The following RHOJ variants were observed in gnomAD, a reference collection of about 807,000 sequenced individuals.
RHOJ encodes the protein rho-related GTP-binding protein RhoJ.
In RHOJ, 11 loss-of-function variants were observed where a neutral mutation model predicts 23.4. The observed-to-expected ratio is 0.47, with a 90% CI of 0.30 to 0.78. The LOEUF (loss-of-function observed/expected upper bound fraction) is 0.78, where lower values mean the gene tolerates loss of function less well. RHOJ is among the 30% of genes least tolerant of loss of function. The pLI is 0.08. For missense variants in RHOJ, 254 were observed against 273.4 expected (o/e 0.93, Z 0.50); for synonymous variants, 102 against 102.7 (o/e 0.99, Z 0.04).
intron 1 of RHOJ, 118 bp from the exon 2 acceptor site, chr14:63,268,992 A>G: frequency 4.3e-6 from 3 of 700,344 alleles, no homozygotes; most frequent in Non-Finnish European, 7.6e-6. Flanking sequence ...TACATGAGCG[A>G]GGCATATGCT....
At chr14:63,249,427 T>C (rs1333192923) in intron 1 of RHOJ, among the ~76,000 whole-genome samples, 1 of 152,238 alleles carries the variant, frequency 6.6e-6, no homozygotes, top group Non-Finnish European at 1.5e-5. Context: ...AAACCTTTTG[T>C]GTCCAATTAG....
At chr14:63,205,818 A>G (rs1894097435) in intron 1 of RHOJ, among the ~76,000 whole-genome samples, 1 of 152,204 alleles carries the variant, frequency 6.6e-6, no homozygotes, top group African/African-American at 2.4e-5. Context: ...TTGTAGGTGT[A>G]CTTGTCTGGG....
chr14:63,236,270 C>G (rs1894787680), intron 1 of RHOJ, among the ~76,000 whole-genome samples: 1 of 152,154 alleles, frequency 6.6e-6, no homozygotes, highest in South Asian at 2.1e-4. Flanking sequence ...TGGTAGAATA[C>G]CCAGCTGAAT....
In RHOJ at chr14:63,205,266, C is replaced by T. The variant is rs3742627; in HGVS notation, c.178+219C>T. On this transcript the variant is annotated intron_variant, in intron 1 of 4. Transcript: ENST00000316754. ...CACTTTTCCCCCGTAAAACGAATGGCAACGCCAGGAAAATACTCTGACGTG... is the reference window on the plus strand; with the variant it reads ...CACTTTTCCCCCGTAAAACGAATGGTAACGCCAGGAAAATACTCTGACGTG... Among the ~76,000 whole-genome samples, 101,131 of 152,056 alleles carry T rather than the reference C, an allele frequency of 0.67. 34,059 individuals carry two copies. Among genetic ancestry groups the T allele is most frequent in the South Asian group, 0.84 (4,064 of 4,822 alleles).
At chr14:63,271,597 A>AT (rs919742080) in intron 2 of RHOJ, among the ~76,000 whole-genome samples, 2 of 151,932 alleles carry the variant, frequency 1.3e-5, no homozygotes, top group African/African-American at 4.8e-5. Context: ...ATTTTATTTT[A>AT]TTTTTTATTT....
chr14:63,280,687 T>TA (rs1389732927), intron 2 of RHOJ, among the ~76,000 whole-genome samples: 7 of 152,204 alleles, frequency 4.6e-5, no homozygotes, highest in African/African-American at 1.7e-4. Flanking sequence ...AACTTTATGG[T>TA]ATATATAGGT....
chr14:63,250,773 C>T (rs1341038270), intron 1 of RHOJ, among the ~76,000 whole-genome samples: 2 of 152,290 alleles, frequency 1.3e-5, no homozygotes, highest in Middle Eastern at 3.4e-3. Flanking sequence ...GTGGCTCACA[C>T]CTGTAATTCC....
chr14:63,257,464 T>C (rs891420254), intron 1 of RHOJ, among the ~76,000 whole-genome samples: 5 of 149,560 alleles, frequency 3.3e-5, no homozygotes, highest in Non-Finnish European at 7.4e-5. Flanking sequence ...AGGCCACAGG[T>C]CAGAAAGTTA....
chr14:63,273,805 T>C (rs1252513523), intron 2 of RHOJ, among the ~76,000 whole-genome samples: 1 of 152,242 alleles, frequency 6.6e-6, no homozygotes, highest in Non-Finnish European at 1.5e-5. Context: ...CTAGCAGCAC[T>C]GCCAGGGAGG....
chr14:63,210,319 A>T (rs1438217964), intron 1 of RHOJ, among the ~76,000 whole-genome samples: 1 of 152,216 alleles, frequency 6.6e-6, no homozygotes, highest in Non-Finnish European at 1.5e-5. Flanking sequence ...GCTTAACTAT[A>T]TAATGTGTAA....
intron 1 of RHOJ, among the ~76,000 whole-genome samples, chr14:63,213,144 T>C (rs1389223564): frequency 6.6e-6 from 1 of 152,216 alleles, no homozygotes; most frequent in African/African-American, 2.4e-5. Context: ...TTGCAACATG[T>C]ATTTTAGATT....
At chr14:63,271,713 T>C (rs752208141) in intron 2 of RHOJ, among the ~76,000 whole-genome samples, 5 of 152,200 alleles carry the variant, frequency 3.3e-5, no homozygotes, top group Non-Finnish European at 7.3e-5. Flanking sequence ...TTCTGCCTCA[T>C]CCTCCCAGGT....
At chr14:63,242,696 C>A (rs1894904697) in intron 1 of RHOJ, among the ~76,000 whole-genome samples, 2 of 152,194 alleles carry the variant, frequency 1.3e-5, no homozygotes, top group Non-Finnish European at 2.9e-5. Flanking sequence ...CATTGACAAT[C>A]ACCATAAGTT....
At chr14:63,253,197 T>G (rs915493828) in intron 1 of RHOJ, among the ~76,000 whole-genome samples, 3 of 152,246 alleles carry the variant, frequency 2.0e-5, no homozygotes, top group Non-Finnish European at 4.4e-5. Flanking sequence ...GGCTGTCATT[T>G]GCACATGCCA....
At chr14:63,244,277 A>G (rs1594762822) in intron 1 of RHOJ, among the ~76,000 whole-genome samples, 1 of 151,986 alleles carries the variant, frequency 6.6e-6, no homozygotes, top group African/African-American at 2.4e-5. Flanking sequence ...AAAAAAAGGT[A>G]ATGTTCTGGC....
rs34023824 is a variant in RHOJ, at chr14:63,277,966, AACACAC to A, written c.238-2975_238-2970del. Among the ~76,000 whole-genome samples the A allele has an allele frequency of 2.5e-3, 350 of 141,502 alleles. 1 individual carries two copies. Among genetic ancestry groups the A allele is most frequent in the Non-Finnish European group, 4.2e-3 (268 of 64,538 alleles). 92.8% of individuals were successfully genotyped at this position (141,502 alleles called of 152,430 possible). A position where few individuals can be genotyped will look rare whatever the true frequency, so the allele number is the denominator to read the frequency against. ...TCTCCACTGCCTCACCAGCTACACA[AACACAC>A]ACACACACACACACACACACACACA... On this transcript the variant is annotated intron_variant, in intron 2 of 4. Transcript: ENST00000316754.
chr14:63,220,506 C>A (rs1365069725), intron 1 of RHOJ, among the ~76,000 whole-genome samples: 2 of 151,076 alleles, frequency 1.3e-5, no homozygotes, highest in Non-Finnish European at 2.9e-5. Context: ...AACAACCAAC[C>A]AACCAAACAA....
chr14:63,282,722 A>T (rs532174127), intron 3 of RHOJ, among the ~76,000 whole-genome samples: 1 of 152,214 alleles, frequency 6.6e-6, no homozygotes, highest in South Asian at 2.1e-4. Flanking sequence ...CCAGGAAATA[A>T]ACTAGTAAAT....
chr14:63,261,655 G>T (rs781219968), intron 1 of RHOJ, among the ~76,000 whole-genome samples: 19 of 150,442 alleles, frequency 1.3e-4, no homozygotes, highest in Non-Finnish European at 2.5e-4. Context: ...TTCCCAGGCT[G>T]GTCTCAAACT....
Sources: allele counts gnomAD v4.1 joint callset (sites outside exome capture counted in the v4.1 genomes callset), GRCh38; gene constraint gnomAD v4.1.1; transcripts MANE v1.5; gene names NCBI Gene and HGNC (gene_info 2026-07-23, HGNC 2026-07-21).